TRIM49C: variants seen among roughly 807,000 people sequenced by gnomAD.
The protein encoded by TRIM49C is tripartite motif-containing protein 49C.
TRIM49C carries 6 observed loss-of-function variants against 21.4 expected under a neutral mutation model. The ratio of observed to expected loss-of-function variants is 0.28; its 90% CI spans 0.15 to 0.55. The LOEUF is 0.55. TRIM49C is among the 20% of genes least tolerant of loss of function. The pLI is 0.94. For synonymous variants in TRIM49C, 57 were observed against 148.1 expected (o/e 0.38, Z 4.47); for missense variants, 161 against 442.4 (o/e 0.36, Z 5.71).
chr11:90,066,325 C>T, the TRIM49C span, among the ~76,000 whole-genome samples: 209 of 139,426 alleles, frequency 1.5e-3, 31 homozygotes, highest in African/African-American at 5.3e-3. Context: ...GGGCCACATG[C>T]TAACTTTAAA....
At chr11:90,052,088 G>C in the TRIM49C span, 1 of 547,682 alleles carries the variant, frequency 1.8e-6, no homozygotes, top group Middle Eastern at 5.1e-4. Context: ...CGCCGCAGGC[G>C]CTGCAGGGGC....
the TRIM49C span, chr11:90,050,037 C>T: frequency 8.2e-6 from 1 of 121,378 alleles, no homozygotes; most frequent in African/African-American, 3.3e-5. Flanking sequence ...GACAATTAGA[C>T]GTTCTTGGGA....
chr11:90,056,001 C>T, the TRIM49C span, among the ~76,000 whole-genome samples: 1 of 128,084 alleles, frequency 7.8e-6, no homozygotes, highest in African/African-American at 2.8e-5. Context: ...CTCTTTAGCC[C>T]AGGCCGGATT....
downstream of TRIM49C, among the ~76,000 whole-genome samples, chr11:90,043,859 T>C (rs1228628621): frequency 6.1e-5 from 7 of 114,424 alleles, 2 homozygotes; most frequent in African/African-American, 1.8e-4. Flanking sequence ...ACATGTGCCA[T>C]GTTGGTGTGC....
At chr11:90,063,296 C>A in the TRIM49C span, among the ~76,000 whole-genome samples, 1 of 126,418 alleles carries the variant, frequency 7.9e-6, no homozygotes, top group South Asian at 2.9e-4. Context: ...GTAACGTAAA[C>A]CTATCCTCCT....
intron 2 of TRIM49C, among the ~76,000 whole-genome samples, chr11:90,034,520 A>C (rs1950710996): frequency 8.0e-6 from 1 of 125,000 alleles, no homozygotes; most frequent in South Asian, 2.8e-4. Flanking sequence ...AAAAAGACCC[A>C]ATATCTTTAA....
intron 2 of TRIM49C, among the ~76,000 whole-genome samples, chr11:90,034,399 A>G (rs2134813898): frequency 9.0e-6 from 1 of 110,852 alleles, no homozygotes; most frequent in South Asian, 3.4e-4. Context: ...AAAATTCACC[A>G]TCACACTATG....
At chr11:90,059,829 G>A in the TRIM49C span, among the ~76,000 whole-genome samples, 6 of 146,430 alleles carry the variant, frequency 4.1e-5, no homozygotes, top group South Asian at 8.8e-4. Context: ...TGATGGAGGA[G>A]GCCCGGGTCA....
chr11:90,043,217 G>A (rs539560449), downstream of TRIM49C, among the ~76,000 whole-genome samples: 1 of 145,866 alleles, frequency 6.9e-6, no homozygotes, highest in Admixed American at 7.0e-5. Context: ...TTGTGGCCAG[G>A]AGTTCCAGAC....
chr11:90,039,782 C>T lies in TRIM49C; in HGVS notation c.762-83C>T, dbSNP rs559248434. ...CAAATGTGTAGATTCAAAGGATTCT[C>T]ATGAAATGTCTTTTATATACAAATA... On this transcript the variant is annotated intron_variant, in intron 6 of 7. Coordinates refer to ENST00000448984, the MANE Select transcript of TRIM49C (RefSeq NM_001195234.1). 2 of 1,399,412 alleles carry T rather than the reference C, an allele frequency of 1.4e-6. 1 individual carries two copies. The highest frequency in any genetic ancestry group is 5.2e-5 in the Admixed American group (2 of 38,342). The allele number at this position is 1,399,412 out of a possible 1,614,324, so 86.7% of individuals were successfully genotyped here.
At chr11:90,052,624 C>CA in the TRIM49C span, 1 of 140,310 alleles carries the variant, frequency 7.1e-6, no homozygotes, top group Non-Finnish European at 1.6e-5. Context: ...GGAGCCTCTG[C>CA]ATGAGGCGGA....
the TRIM49C span, among the ~76,000 whole-genome samples, chr11:90,065,079 C>T: frequency 0.042 from 5,828 of 137,304 alleles, 704 homozygotes; most frequent in Non-Finnish European, 0.062. Context: ...TCTATCATTG[C>T]ATGAAACTAT....
the TRIM49C span, among the ~76,000 whole-genome samples, chr11:90,047,063 T>C: frequency 1.8e-4 from 22 of 123,608 alleles, 3 homozygotes; most frequent in Non-Finnish European, 3.4e-4. Context: ...TCAGTTTCCA[T>C]GTAGTTGAGC....
chr11:90,054,509 A>C, the TRIM49C span, among the ~76,000 whole-genome samples: 2 of 137,276 alleles, frequency 1.5e-5, 1 homozygote, highest in Non-Finnish European at 3.2e-5. Flanking sequence ...ATTCATTGCT[A>C]TCTTTGCCTC....
intron 2 of TRIM49C, among the ~76,000 whole-genome samples, chr11:90,033,722 T>A (rs1042241467): frequency 7.5e-6 from 1 of 133,970 alleles, no homozygotes; most frequent in African/African-American, 2.7e-5. Flanking sequence ...GGCAGGCAGA[T>A]CACTTGAGGC....
At chr11:90,053,283 G>A in the TRIM49C span, 1 of 144,854 alleles carries the variant, frequency 6.9e-6, no homozygotes, top group African/African-American at 2.5e-5. Flanking sequence ...GGCAGTTCCT[G>A]CCTGTGCAGC....
At chr11:90,055,679 C>G in the TRIM49C span, among the ~76,000 whole-genome samples, 1 of 147,084 alleles carries the variant, frequency 6.8e-6, no homozygotes, top group East Asian at 2.0e-4. Context: ...TTCCTTAAAG[C>G]CAAATACTCT....
At chr11:90,059,906 T>TC in the TRIM49C span, among the ~76,000 whole-genome samples, 4 of 139,948 alleles carry the variant, frequency 2.9e-5, no homozygotes, top group Non-Finnish European at 1.5e-5. Flanking sequence ...CCTCCCTCTG[T>TC]CTTTTTTTTT....
rs1178860490 is a variant in TRIM49C, at chr11:90,037,144, A to G, written c.508-605A>G. Among the ~76,000 whole-genome samples the G allele has an allele frequency of 1.5e-5, 2 of 135,706 alleles. 1 individual carries two copies. Among genetic ancestry groups the G allele is most frequent in the African/African-American group, 5.2e-5 (2 of 38,410 alleles). 89.0% of individuals were successfully genotyped at this position (135,706 alleles called of 152,430 possible). ...ATATATGTAATTCTAGTTGGAGAGAATAGCATATGCAGTAATTTTGAGTTT... is the reference window on the plus strand; with the variant it reads ...ATATATGTAATTCTAGTTGGAGAGAGTAGCATATGCAGTAATTTTGAGTTT... On this transcript the variant is annotated intron_variant, in intron 4 of 7. Coordinates refer to ENST00000448984, the MANE Select transcript of TRIM49C (RefSeq NM_001195234.1).
Sources: gnomAD v4.1 joint callset for allele counts (sites outside exome capture counted in the v4.1 genomes callset) on GRCh38, gnomAD v4.1.1 for gene constraint, MANE v1.5 for transcripts, NCBI Gene and HGNC (gene_info 2026-07-23, HGNC 2026-07-21) for gene names.